The following FMNL2 variants were observed in gnomAD, a reference collection of about 807,000 sequenced individuals.
FMNL2 encodes the protein formin-like protein 2.
A neutral mutation model predicts 130.2 loss-of-function variants in FMNL2; 51 were observed. The observed-to-expected ratio is 0.39, with a 90% CI of 0.31 to 0.49. The LOEUF is 0.49. FMNL2 is among the 20% of genes least tolerant of loss of function. The pLI is 0.85. For synonymous variants in FMNL2, 465 were observed against 467.1 expected, an observed-to-expected ratio of 1.00 and a Z score of 0.06; for missense variants, 977 against 1,316.2, an observed-to-expected ratio of 0.74 and a Z score of 3.99.
At chr2:152,371,625 C>A (rs1275467984) in intron 1 of FMNL2, among the ~76,000 whole-genome samples, 1 of 145,406 alleles carries the variant, frequency 6.9e-6, no homozygotes, top group Non-Finnish European at 1.5e-5. Flanking sequence ...GCAGAGATTG[C>A]GCCACTGCAC....
chr2:152,647,869 C>T lies in FMNL2; in HGVS notation c.3243C>T (p.Asn1081=). 1.2e-6 allele frequency: 2 copies of T among 1,613,912 alleles called. No individual in the cohort carries two copies. The highest frequency in any genetic ancestry group is 1.3e-5 in the African/African-American group (1 of 75,052). The change falls in exon 26 of 26, where the codon AAC becomes AAT. Residue 1081 remains asparagine (N), a synonymous_variant. Transcript: ENST00000288670. Reference sequence around the variant, plus strand: ...TCAGGCGGCGCTTTGATGATCAGAACTTGCGTTCTGTTAATGGTGCCGAAA... The same window carrying T: ...TCAGGCGGCGCTTTGATGATCAGAATTTGCGTTCTGTTAATGGTGCCGAAA... ...RSVRRRFDDQ[N]LRSVNGAEIT...
At chr2:152,576,224 G>A (rs1195621780) in intron 7 of FMNL2, among the ~76,000 whole-genome samples, 2 of 152,140 alleles carry the variant, frequency 1.3e-5, no homozygotes. Flanking sequence ...ATTTAAGAAG[G>A]GAAACATGCA....
At chr2:152,405,152 G>T (rs765291534) in intron 1 of FMNL2, among the ~76,000 whole-genome samples, 1 of 152,190 alleles carries the variant, frequency 6.6e-6, no homozygotes, top group Non-Finnish European at 1.5e-5. Context: ...CTGGCATCTA[G>T]CTGCTTGTAT....
chr2:152,544,034 T>C (rs1008029299), intron 3 of FMNL2, among the ~76,000 whole-genome samples: 9 of 152,180 alleles, frequency 5.9e-5, no homozygotes, highest in African/African-American at 2.2e-4. Flanking sequence ...AATGAGACTA[T>C]TGTTCAGTTC....
At chr2:152,432,160 G>A (rs1687528220) in intron 1 of FMNL2, among the ~76,000 whole-genome samples, 1 of 151,758 alleles carries the variant, frequency 6.6e-6, no homozygotes, top group Non-Finnish European at 1.5e-5. Context: ...TGGGCCCACA[G>A]GCTGAATATG....
intron 1 of FMNL2, among the ~76,000 whole-genome samples, chr2:152,452,835 G>A (rs1376708027): frequency 6.8e-6 from 1 of 147,902 alleles, no homozygotes; most frequent in Non-Finnish European, 1.5e-5. Context: ...GGAAGCAGCA[G>A]TGTTTGGATC....
chr2:152,589,205 C>T (rs997439604), intron 9 of FMNL2, among the ~76,000 whole-genome samples: 4 of 151,992 alleles, frequency 2.6e-5, no homozygotes, highest in African/African-American at 4.8e-5. Context: ...TGCTTTGCTT[C>T]ACAACTTGAC....
intron 1 of FMNL2, among the ~76,000 whole-genome samples, chr2:152,393,741 T>C (rs1025226528): frequency 2.0e-5 from 3 of 152,218 alleles, no homozygotes; most frequent in African/African-American, 4.8e-5. Flanking sequence ...GAGCTCTTTG[T>C]GTAGTAGGTC....
intron 1 of FMNL2, among the ~76,000 whole-genome samples, chr2:152,477,972 C>T (rs533986048): frequency 8.2e-4 from 125 of 151,976 alleles, no homozygotes; most frequent in African/African-American, 2.7e-3. Flanking sequence ...CTTCTGGCAC[C>T]GAGAGCCTTT....
At chr2:152,646,758 ATACTAAGT>A (rs939110606) in intron 25 of FMNL2, among the ~76,000 whole-genome samples, 8 of 152,342 alleles carry the variant, frequency 5.3e-5, no homozygotes, top group African/African-American at 1.7e-4. Context: ...GAAGTCAACA[ATACTAAGT>A]TAATGAAAGG....
At chr2:152,591,637 C>T (rs1283380175) in intron 9 of FMNL2, among the ~76,000 whole-genome samples, 3 of 152,188 alleles carry the variant, frequency 2.0e-5, no homozygotes, top group Non-Finnish European at 4.4e-5. Context: ...AAGACCCTGC[C>T]TCTACAGAAA....
intron 1 of FMNL2, among the ~76,000 whole-genome samples, chr2:152,471,837 G>T (rs1031878565): frequency 1.3e-5 from 2 of 152,158 alleles, no homozygotes; most frequent in African/African-American, 4.8e-5. Context: ...TTTTAACCCA[G>T]TGTTTCTCAG....
chr2:152,443,197 C>G (rs541118389), intron 1 of FMNL2, among the ~76,000 whole-genome samples: 2 of 152,232 alleles, frequency 1.3e-5, no homozygotes, highest in African/African-American at 4.8e-5. Context: ...GTGCCATTCA[C>G]TGAAATAGGG....
rs779210090 is a variant in FMNL2, at chr2:152,647,943, A to T, written c.*38A>T. The stretch of plus-strand genomic sequence containing the variant: ...CCTGCATGAATACAGGGTGTGCGTG[A>T]ATGAAACTGCCCACATGAACTTTAT... On this transcript the variant is annotated 3_prime_UTR_variant, in exon 26 of 26. Coordinates refer to ENST00000288670, the MANE Select transcript of FMNL2 (RefSeq NM_052905.4). 6.6e-7 allele frequency: 1 copy of T among 1,507,460 alleles called. No individual in the cohort carries two copies. Among genetic ancestry groups the T allele is most frequent in the Non-Finnish European group, 9.1e-7 (1 of 1,102,920 alleles). The allele number at this position is 1,507,460 out of a possible 1,614,324, so 93.4% of individuals were successfully genotyped here.
chr2:152,536,501 G>A (rs7579511), intron 2 of FMNL2, among the ~76,000 whole-genome samples: 12,248 of 152,238 alleles, frequency 0.08, 804 homozygotes, highest in Admixed American at 0.22. Flanking sequence ...ACATTCAAGT[G>A]TAGTGACATT....
chr2:152,531,929 A>G (rs1284101269), intron 2 of FMNL2, among the ~76,000 whole-genome samples: 1 of 152,218 alleles, frequency 6.6e-6, no homozygotes, highest in Non-Finnish European at 1.5e-5. Flanking sequence ...GGTGAGGTAC[A>G]GAAGTTGGAT....
At chr2:152,346,816 G>T (rs905461442) in intron 1 of FMNL2, among the ~76,000 whole-genome samples, 1 of 152,100 alleles carries the variant, frequency 6.6e-6, no homozygotes, top group African/African-American at 2.4e-5. Flanking sequence ...CTCAGACTGG[G>T]TGCCATGGCT....
intron 15 of FMNL2, among the ~76,000 whole-genome samples, chr2:152,622,030 T>G (rs1318962333): frequency 6.6e-6 from 1 of 152,206 alleles, no homozygotes; most frequent in African/African-American, 2.4e-5. Flanking sequence ...TTTCTTTGTA[T>G]TTTATAGAGA....
intron 1 of FMNL2, among the ~76,000 whole-genome samples, chr2:152,412,232 A>G (rs6741728): frequency 0.11 from 16,903 of 151,596 alleles, 1,699 homozygotes; most frequent in African/African-American, 0.27. Flanking sequence ...GCCTGATGAA[A>G]GTTGCCCTTG....
Sources: gnomAD v4.1 joint callset for allele counts (sites outside exome capture counted in the v4.1 genomes callset) on GRCh38, gnomAD v4.1.1 for gene constraint, MANE v1.5 for transcripts, NCBI Gene and HGNC (gene_info 2026-07-23, HGNC 2026-07-21) for gene names.